The following ITGA8 variants were observed in gnomAD, a reference collection of about 807,000 sequenced individuals.
ITGA8 encodes integrin subunit alpha 8, also known as integrin alpha-8.
Under a neutral mutation model 142.3 loss-of-function variants are expected in ITGA8, and 91 were observed. That is an observed-to-expected ratio of 0.64 (90% CI 0.54 to 0.76). The LOEUF is 0.76. Among genes scored for constraint, ITGA8 ranks in the 30% least tolerant of loss-of-function variants. ITGA8 has a pLI of 0.00. For synonymous variants in ITGA8, 505 were observed against 485.2 expected (o/e 1.04, Z -0.54); for missense variants, 1,406 against 1,327.7 (o/e 1.06, Z -0.92).
chr10:15,519,406 T>C lies in ITGA8; in HGVS notation c.2989A>G (p.Thr997Ala). 1 of 1,613,480 alleles carries C rather than the reference T, an allele frequency of 6.2e-7. No individual in the cohort carries two copies. Among genetic ancestry groups the C allele is most frequent in the Non-Finnish European group, 8.5e-7 (1 of 1,179,726 alleles). ...KLPEGSIVIK[T>A]SVIWATPNVS... ...TTCGGAGTTGCCCAAATAACTGATG[T>C]CTTAATCTGAAATGGAAAACAAAGC... is the stretch of plus-strand genomic sequence containing the variant. Residue 997 changes from threonine to alanine, a missense_variant, in exon 29 of 30, where the codon ACA becomes GCA. Coordinates refer to ENST00000378076, the MANE Select transcript of ITGA8 (RefSeq NM_003638.3).
chr10:15,580,232 T>A (rs1290144901), intron 23 of ITGA8, among the ~76,000 whole-genome samples: 1 of 150,186 alleles, frequency 6.7e-6, no homozygotes, highest in African/African-American at 2.4e-5. Context: ...AAAAGGACAA[T>A]GAGAGAATAT....
Position 15,671,640 on chromosome 10 carries a change from T to C in ITGA8, c.810A>G (p.Ser270=). ...ASYDDSYLGY[S]VAAGEFTGDS... ...CCCCAGTAAACTCCCCAGCAGCAAC[T>C]GAGTATCCTGTTTTAAAGAAAAAGA... The change falls in exon 8 of 30, where the codon TCA becomes TCG. Residue 270 remains serine (S), a synonymous_variant. Coordinates refer to ENST00000378076, the MANE Select transcript of ITGA8 (RefSeq NM_003638.3). 6.2e-7 allele frequency: 1 copy of C among 1,612,114 alleles called. No individual in the cohort carries two copies. The highest frequency in any genetic ancestry group is 8.5e-7 in the Non-Finnish European group (1 of 1,178,362).
At chr10:15,713,179 G>A (rs1030901955) in intron 2 of ITGA8, among the ~76,000 whole-genome samples, 2 of 152,200 alleles carry the variant, frequency 1.3e-5, no homozygotes, top group African/African-American at 4.8e-5. Flanking sequence ...GATGATGGTT[G>A]CCTCTGTCAT....
intron 26 of ITGA8, among the ~76,000 whole-genome samples, chr10:15,551,954 C>T (rs185636523): frequency 1.3e-5 from 2 of 151,808 alleles, no homozygotes; most frequent in East Asian, 1.9e-4. Context: ...TTATGATATT[C>T]GGAAGTTTAA....
At chr10:15,539,123 C>T (rs777314819) in intron 27 of ITGA8, among the ~76,000 whole-genome samples, 3 of 152,072 alleles carry the variant, frequency 2.0e-5, no homozygotes, top group Non-Finnish European at 4.4e-5. Flanking sequence ...TTGCTTCTTC[C>T]ATTTCAACTA....
chr10:15,675,827 A>G (rs993986804), intron 6 of ITGA8, among the ~76,000 whole-genome samples: 3 of 152,288 alleles, frequency 2.0e-5, no homozygotes, highest in African/African-American at 7.2e-5. Flanking sequence ...CTTAGCATGG[A>G]CTGCAAGCCT....
intron 11 of ITGA8, among the ~76,000 whole-genome samples, chr10:15,648,257 C>T (rs1834022903): frequency 6.6e-6 from 1 of 152,020 alleles, no homozygotes; most frequent in South Asian, 2.1e-4. Flanking sequence ...AGTGTCTTGG[C>T]AAATGCAATA....
At chr10:15,546,505 T>C (rs1833671751) in intron 27 of ITGA8, among the ~76,000 whole-genome samples, 1 of 152,190 alleles carries the variant, frequency 6.6e-6, no homozygotes, top group Middle Eastern at 3.2e-3. Context: ...TGGCAATATC[T>C]GGAGAGAATT....
intron 20 of ITGA8, 99 bp downstream of exon 20, chr10:15,604,109 A>C: frequency 9.0e-7 from 1 of 1,105,448 alleles, no homozygotes; most frequent in Non-Finnish European, 1.3e-6. Context: ...GCTGTCTTTC[A>C]TTAAGGAAGA....
intron 11 of ITGA8, among the ~76,000 whole-genome samples, chr10:15,653,750 C>T (rs1834131095): frequency 6.6e-6 from 1 of 152,156 alleles, no homozygotes; most frequent in African/African-American, 2.4e-5. Flanking sequence ...AATCATATAG[C>T]ATGTAGATCT....
chr10:15,690,480 G>A (rs1834913027), intron 2 of ITGA8, among the ~76,000 whole-genome samples: 1 of 152,126 alleles, frequency 6.6e-6, no homozygotes. Context: ...GGCTTGGTGG[G>A]AGAGCTGCAT....
At chr10:15,652,906 T>A (rs1834115100) in intron 11 of ITGA8, among the ~76,000 whole-genome samples, 1 of 152,166 alleles carries the variant, frequency 6.6e-6, no homozygotes, top group Admixed American at 6.5e-5. Flanking sequence ...GCACAGCTGA[T>A]AACAGCGAAG....
At chr10:15,628,554 G>T (rs1043281853) in intron 13 of ITGA8, among the ~76,000 whole-genome samples, 12 of 151,568 alleles carry the variant, frequency 7.9e-5, no homozygotes, top group Non-Finnish European at 1.6e-4. Flanking sequence ...GGATGGTCTT[G>T]ATCTCCTGAC....
intron 13 of ITGA8, among the ~76,000 whole-genome samples, chr10:15,636,155 T>C (rs187786051): frequency 1.4e-3 from 208 of 152,300 alleles, no homozygotes; most frequent in African/African-American, 3.8e-3. Context: ...CTCCTCCACC[T>C]TCCAATGCCT....
intron 8 of ITGA8, among the ~76,000 whole-genome samples, chr10:15,667,336 T>C (rs1834414892): frequency 1.3e-5 from 2 of 152,200 alleles, no homozygotes; most frequent in South Asian, 2.1e-4. Flanking sequence ...CTGATGGTAG[T>C]TTGTATTTCT....
intron 8 of ITGA8, among the ~76,000 whole-genome samples, chr10:15,666,836 G>T (rs1588709571): frequency 6.6e-6 from 1 of 152,166 alleles, no homozygotes; most frequent in Non-Finnish European, 1.5e-5. Flanking sequence ...ATTTGCATAT[G>T]TTGAACCAGC....
At chr10:15,565,923 T>C (rs540757396) in intron 25 of ITGA8, among the ~76,000 whole-genome samples, 25 of 151,812 alleles carry the variant, frequency 1.6e-4, no homozygotes, top group Non-Finnish European at 3.2e-4. Context: ...TGTGTGTGTG[T>C]GCGCACGCGT....
Position 15,719,600 on chromosome 10 carries a change from C to A in ITGA8, c.172G>T (p.Gly58Cys). 3 of 1,560,962 alleles carry A rather than the reference C, an allele frequency of 1.9e-6. No individual in the cohort carries two copies. Among genetic ancestry groups the A allele is most frequent in the South Asian group, 1.2e-5 (1 of 83,938 alleles). Residue 58 changes from glycine (G) to cysteine (C), a missense_variant, in exon 1 of 30, where the codon GGC becomes TGC. By Grantham distance (159) the Gly-to-Cys change is radical (BLOSUM62 -3). Coordinates refer to ENST00000378076, the MANE Select transcript of ITGA8 (RefSeq NM_003638.3). ...VYSGPKGSYF[G>C]YAVDFHIPDA... ...GGTATGTGGAAGTCCACGGCGTAGC[C>A]GAAGTAGCTGCCCTTGGGGCCGCTG... is the stretch of plus-strand genomic sequence containing the variant.
intron 13 of ITGA8, among the ~76,000 whole-genome samples, chr10:15,638,863 A>G (rs1833818521): frequency 2.0e-5 from 3 of 152,164 alleles, no homozygotes; most frequent in Admixed American, 2.0e-4. Context: ...ACAGTGGCTC[A>G]TGTCTGTAAT....
Sources: allele counts gnomAD v4.1 joint callset (sites outside exome capture counted in the v4.1 genomes callset), GRCh38; gene constraint gnomAD v4.1.1; transcripts MANE v1.5; gene names NCBI Gene and HGNC (gene_info 2026-07-23, HGNC 2026-07-21).